The following NR2F6 variants were observed in gnomAD, a reference collection of about 807,000 sequenced individuals.
The protein encoded by NR2F6 is ERBA-related gene-2.
In NR2F6, 16 loss-of-function variants were observed where a neutral mutation model predicts 26.5. The observed-to-expected ratio is 0.60, with a 90% CI of 0.41 to 0.92. NR2F6 has a LOEUF of 0.92. NR2F6 is among the 40% of genes least tolerant of loss of function. The pLI, the probability that NR2F6 is intolerant of heterozygous loss-of-function variation, is 0.00. For missense variants in NR2F6, 536 were observed against 631.7 expected (o/e 0.85, Z 1.62); for synonymous variants, 325 against 305.0 (o/e 1.07, Z -0.68).
intron 1 of NR2F6, 94 bp downstream of exon 1, chr19:17,244,849 G>T: frequency 2.1e-6 from 3 of 1,447,332 alleles, no homozygotes; most frequent in South Asian, 1.3e-5. Flanking sequence ...GCCCAGGGAA[G>T]GTCAGCGCCA....
At position 17,245,410 on chromosome 19, in the gene NR2F6, G is replaced by C. The variant is rs1014221889; in HGVS notation, c.-190C>G. 2 of 374,148 alleles carry C rather than the reference G, an allele frequency of 5.3e-6. No individual in the cohort carries two copies. Among genetic ancestry groups the C allele is most frequent in the Non-Finnish European group, 8.5e-6 (2 of 234,824 alleles). 23.2% of individuals were successfully genotyped at this position (374,148 alleles called of 1,614,324 possible). A position where few individuals can be genotyped will look rare whatever the true frequency, so the allele number is the denominator to read the frequency against. On this transcript the variant is annotated 5_prime_UTR_variant, in exon 1 of 4. Coordinates refer to ENST00000291442, the MANE Select transcript of NR2F6 (RefSeq NM_005234.4). This position sits in a 1 kb window ranked among gnomAD's most constrained non-coding sequence, Gnocchi z 5.0. ...GCGCCCGGGCGGAACTGGTCGGGCC[G>C]GTTCCAGGCCAACTTTCCCACGCGT...
rs757858501 is a variant in NR2F6 at position 17,236,055 on chromosome 19, G to C, written c.384C>G (p.Arg128=). The C allele has an allele frequency of 4.6e-5, 59 of 1,293,190 alleles. No homozygotes were observed. The highest frequency in any genetic ancestry group is 2.9e-4 in the Middle Eastern group (1 of 3,432). The allele number at this position is 1,293,190 out of a possible 1,614,324, so 80.1% of individuals were successfully genotyped here. A position where few individuals can be genotyped will look rare whatever the true frequency, so the allele number is the denominator to read the frequency against. Residue 128 remains arginine, a synonymous_variant, in exon 3 of 4, where the codon CGC becomes CGG. Transcript: ENST00000291442. The part of the protein sequence containing the change: ...RVGMRKEAVQ[R]GRIPHSLPGA... Reference sequence around the variant, plus strand: ...CAGGCAGCGAGTGCGGGATGCGGCCGCGCTGCACCGCTGCGGGAGGCGGGG... The same window carrying C: ...CAGGCAGCGAGTGCGGGATGCGGCCCCGCTGCACCGCTGCGGGAGGCGGGG...
chr19:17,234,487 A>G (rs1349373486), intron 3 of NR2F6, among the ~76,000 whole-genome samples: 1 of 152,128 alleles, frequency 6.6e-6, no homozygotes, highest in African/African-American at 2.4e-5. Flanking sequence ...TCTGGTTCCT[A>G]GCCCCAAAGA....
At position 17,244,954 on chromosome 19, in the gene NR2F6, G is replaced by T; in HGVS notation, c.267C>A (p.Ser89Arg). The T allele has an allele frequency of 6.4e-7, 1 of 1,563,082 alleles. No homozygotes were observed. The highest frequency in any genetic ancestry group is 8.7e-7 in the Non-Finnish European group (1 of 1,154,250). ...GATGGGGGGCTCACCGGCAGGTGTA[G>T]CTGAGGTTGCGGCGGATGCTTCGCT... ...FFKRSIRRNLSYTCRSNRDCQ... is the reference protein window; with the variant it reads ...FFKRSIRRNLRYTCRSNRDCQ... Residue 89 changes from serine to arginine, a missense_variant, in exon 1 of 4, where the codon AGC (serine) becomes AGA (arginine). By Grantham distance (110) the Ser-to-Arg change is moderately radical. Transcript: ENST00000291442.
intron 1 of NR2F6, among the ~76,000 whole-genome samples, chr19:17,243,064 AG>A (rs1226525685): frequency 1.3e-5 from 2 of 152,118 alleles, no homozygotes; most frequent in African/African-American, 4.8e-5. Flanking sequence ...CCCCTCTTAC[AG>A]CACAGCTCCC....
chr19:17,236,501 G>C (rs1227582686), intron 2 of NR2F6, among the ~76,000 whole-genome samples: 3 of 152,066 alleles, frequency 2.0e-5, no homozygotes, highest in African/African-American at 7.2e-5. Flanking sequence ...CCCACCCCCA[G>C]CTCCTGGGGA....
Position 17,245,372 on chromosome 19 carries a change from G to A in NR2F6, c.-152C>T. 3.4e-6 allele frequency: 2 copies of A among 594,314 alleles called. No individual in the cohort carries two copies. Among genetic ancestry groups the A allele is most frequent in the Non-Finnish European group, 4.7e-6 (2 of 429,828 alleles). 36.8% of individuals were successfully genotyped at this position (594,314 alleles called of 1,614,324 possible). On this transcript the variant is annotated 5_prime_UTR_variant, in exon 1 of 4. Coordinates refer to ENST00000291442, the MANE Select transcript of NR2F6 (RefSeq NM_005234.4). The surrounding 1 kb of genome is among the most constrained non-coding windows in gnomAD (Gnocchi z 5.0). ...CAAAAAAGTTTTGCAGCAACTTCCT[G>A]CGGCCGGTCCTCGCGCCCGGGCGGA...
chr19:17,245,224 C>A lies in NR2F6; in HGVS notation c.-4G>T, dbSNP rs762979366. The A allele has an allele frequency of 2.8e-5, 36 of 1,298,608 alleles. No individual in the cohort carries two copies. The East Asian group carries it at 1.1e-3, about 39-fold the overall frequency. The allele number at this position is 1,298,608 out of a possible 1,614,324, so 80.4% of individuals were successfully genotyped here. On this transcript the variant is annotated 5_prime_UTR_variant, in exon 1 of 4. Transcript: ENST00000291442. The surrounding 1 kb of genome is among the most constrained non-coding windows in gnomAD (Gnocchi z 5.0). The stretch of plus-strand genomic sequence containing the variant: ...AGCCGCCGGTCACCATGGCCATAGC[C>A]CCAGGGCAGCGGGGCCGGGGCGCCC...
rs1321535980 is a variant in NR2F6, at chr19:17,236,010, C to T, written c.429G>A (p.Ser143=). The change falls in exon 3 of 4, where the codon TCG becomes TCA. Residue 143 remains serine (S), a synonymous_variant. Transcript: ENST00000291442. ...CCAGCGCCGAGCCCGGGGGGCTGCC[C>T]GAGGAGGCGGCCACGGCACCAGGCA... ...HSLPGAVAAS[S]GSPPGSALAA... is the part of the protein sequence containing the mutation. The T allele has an allele frequency of 1.4e-6, 2 of 1,412,898 alleles. No individual in the cohort carries two copies. Among genetic ancestry groups the T allele is most frequent in the East Asian group, 3.0e-5 (1 of 32,828 alleles). The allele number at this position is 1,412,898 out of a possible 1,614,324, so 87.5% of individuals were successfully genotyped here.
At chr19:17,239,492 T>C (rs2073457769) in intron 2 of NR2F6, among the ~76,000 whole-genome samples, 1 of 150,458 alleles carries the variant, frequency 6.6e-6, no homozygotes. Context: ...CCGTCTCTAC[T>C]AAAAATACAA....
In NR2F6 at chr19:17,232,144, A is replaced by T; in HGVS notation, c.*208T>A. The T allele has an allele frequency of 1.4e-6, 1 of 700,472 alleles. No individual in the cohort carries two copies. The highest frequency in any genetic ancestry group is 2.3e-6 in the Non-Finnish European group (1 of 436,934). 43.4% of individuals were successfully genotyped at this position (700,472 alleles called of 1,614,324 possible). ...CTGGACAGGGGTCCTGGGGAGGATG[A>T]GGCTGAGGCCTGGATGATCAGTCTC... On this transcript the variant is annotated 3_prime_UTR_variant, in exon 4 of 4. Coordinates refer to ENST00000291442, the MANE Select transcript of NR2F6 (RefSeq NM_005234.4).
intron 2 of NR2F6, among the ~76,000 whole-genome samples, chr19:17,239,875 A>T (rs1212502381): frequency 6.6e-6 from 1 of 152,142 alleles, no homozygotes; most frequent in Admixed American, 6.6e-5. Flanking sequence ...AAAGCAGGGG[A>T]GGCTCAGGTT....
chr19:17,244,873 C>T, intron 1 of NR2F6, 70 bp downstream of exon 1: 1 of 1,515,082 alleles, frequency 6.6e-7, no homozygotes, highest in Non-Finnish European at 8.9e-7. Context: ...CCAAGGTGAC[C>T]GAGCAGGTCA....
Position 17,245,254 on chromosome 19 carries a change from C to G in NR2F6, c.-34G>C. ...GGCAGCGGGGCCGGGGCGCCCCCAC[C>G]GCGCTCTTCCCTCCGGGCACCCCTC... On this transcript the variant is annotated 5_prime_UTR_variant, in exon 1 of 4. Transcript: ENST00000291442. This position sits in a 1 kb window ranked among gnomAD's most constrained non-coding sequence, Gnocchi z 5.0. 8.2e-7 allele frequency: 1 copy of G among 1,225,916 alleles called. No individual in the cohort carries two copies. The highest frequency in any genetic ancestry group is 3.6e-5 in the East Asian group (1 of 28,158). The allele number at this position is 1,225,916 out of a possible 1,614,324, so 75.9% of individuals were successfully genotyped here.
rs940052447 is a variant in NR2F6, at chr19:17,235,984, G to A, written c.455C>T (p.Ala152Val). 2.1e-6 allele frequency: 3 copies of A among 1,451,686 alleles called. No homozygotes were observed. The highest frequency in any genetic ancestry group is 6.0e-5 in the East Asian group (2 of 33,532). 89.9% of individuals were successfully genotyped at this position (1,451,686 alleles called of 1,614,324 possible). Residue 152 changes from alanine (A) to valine (V), a missense_variant, in exon 3 of 4, where the codon GCG (alanine) becomes GTG (valine). Physicochemically the swap from Ala to Val is moderately conservative, Grantham distance 64. Coordinates refer to ENST00000291442, the MANE Select transcript of NR2F6 (RefSeq NM_005234.4). The surrounding 1 kb of genome is among the most constrained non-coding windows in gnomAD (Gnocchi z 5.0). ...GAGGTCTCCGCCGCTCGCCACTGCC[G>A]CCAGCGCCGAGCCCGGGGGGCTGCC... The part of the protein sequence containing the change: ...SSGSPPGSAL[A>V]AVASGGDLFP...
chr19:17,236,722 T>C (rs753389791), intron 2 of NR2F6, among the ~76,000 whole-genome samples: 2 of 151,982 alleles, frequency 1.3e-5, no homozygotes, highest in Non-Finnish European at 2.9e-5. Flanking sequence ...TGGTGACCCC[T>C]GAGGGCCGGT....
chr19:17,241,877 G>A (rs564198997), intron 1 of NR2F6, among the ~76,000 whole-genome samples: 22 of 152,100 alleles, frequency 1.4e-4, no homozygotes, highest in Non-Finnish European at 2.9e-4. Context: ...TGAGCTGGGC[G>A]TGGTGGCGCA....
chr19:17,245,297 A>C lies in NR2F6; in HGVS notation c.-77T>G. ...CACCCCTCTCGGCCCGGGGGACCCTACGCGGCGCGCATTCGGCCCCGGCGC... is the reference window on the plus strand; with the variant it reads ...CACCCCTCTCGGCCCGGGGGACCCTCCGCGGCGCGCATTCGGCCCCGGCGC... On this transcript the variant is annotated 5_prime_UTR_variant, in exon 1 of 4. It removes the in-frame stop codon of an upstream open reading frame in the 5' UTR. Coordinates refer to ENST00000291442, the MANE Select transcript of NR2F6 (RefSeq NM_005234.4). This position sits in a 1 kb window ranked among gnomAD's most constrained non-coding sequence, Gnocchi z 5.0. The C allele has an allele frequency of 2.6e-6, 3 of 1,141,780 alleles. No homozygotes were observed. Among genetic ancestry groups the C allele is most frequent in the Non-Finnish European group, 3.3e-6 (3 of 922,282 alleles). 70.7% of individuals were successfully genotyped at this position (1,141,780 alleles called of 1,614,324 possible).
At chr19:17,244,839 G>T in intron 1 of NR2F6, 104 bp downstream of exon 1, 1 of 1,376,556 alleles carries the variant, frequency 7.3e-7, no homozygotes, top group Non-Finnish European at 9.8e-7. Flanking sequence ...GGCAGTGGAG[G>T]CCCAGGGAAG....
Sources: gnomAD v4.1 joint callset for allele counts (sites outside exome capture counted in the v4.1 genomes callset) on GRCh38, gnomAD v4.1.1 for gene constraint, Gnocchi (gnomAD v3.1) non-coding constraint, MANE v1.5 for transcripts, NCBI Gene and HGNC (gene_info 2026-07-23, HGNC 2026-07-21) for gene names.